Variants in RPS6KA5 observed in about 807,000 individuals in gnomAD.
The protein encoded by RPS6KA5 is ribosomal protein S6 kinase A5, also known as ribosomal protein S6 kinase alpha-5.
In RPS6KA5, 27 loss-of-function variants were observed where a neutral mutation model predicts 85.5. The ratio of observed to expected loss-of-function variants is 0.32; its 90% CI spans 0.23 to 0.44. The LOEUF is 0.44. Ranked by LOEUF, RPS6KA5 falls within the 20% of genes least tolerant of loss-of-function variation. RPS6KA5 has a pLI of 1.00. For synonymous variants in RPS6KA5, 334 were observed against 348.2 expected (o/e 0.96, Z 0.46); for missense variants, 811 against 980.9 (o/e 0.83, Z 2.31).
At position 91,041,005 on chromosome 14, in the gene RPS6KA5, A is replaced by G. The variant is rs77640915; in HGVS notation, c.103+19327T>C. 1.2e-4 allele frequency among the ~76,000 whole-genome samples: 18 copies of G among 152,364 alleles called. No homozygotes were observed. In the East Asian group the frequency reaches 3.5e-3, roughly 29 times the overall value. ...AACAGCTGGTATCAACTGCTCTTGCAAAAACTAGTGGAAGGAGGGATAATA... is the reference window on the plus strand; with the variant it reads ...AACAGCTGGTATCAACTGCTCTTGCGAAAACTAGTGGAAGGAGGGATAATA... On this transcript the variant is annotated intron_variant, in intron 1 of 16. Transcript: ENST00000614987.
rs1425806938 is a variant in RPS6KA5, at chr14:90,867,644, C to G, written c.*4430G>C. On this transcript the variant is annotated 3_prime_UTR_variant, in exon 17 of 17. Coordinates refer to ENST00000614987, the MANE Select transcript of RPS6KA5 (RefSeq NM_004755.4). The stretch of plus-strand genomic sequence containing the variant: ...CTACTAAGAATCTTGTCTTTTAATA[C>G]AAGTCTCCTTCTAGACACAAAATCC... 6.6e-6 allele frequency: 1 copy of G among 152,136 alleles called. No homozygotes were observed. Among genetic ancestry groups the G allele is most frequent in the Non-Finnish European group, 1.5e-5 (1 of 68,000 alleles). 9.4% of individuals were successfully genotyped at this position (152,136 alleles called of 1,614,324 possible). A position where few individuals can be genotyped will look rare whatever the true frequency, so the allele number is the denominator to read the frequency against.
rs565344552 is a variant in RPS6KA5 at position 90,860,889 on chromosome 14, AT to A, written c.*11184del. 17,319 of 127,534 alleles carry A rather than the reference AT, an allele frequency of 0.14. 1,005 individuals carry two copies. Among genetic ancestry groups the A allele is most frequent in the South Asian group, 0.25 (938 of 3,810 alleles). 7.9% of individuals were successfully genotyped at this position (127,534 alleles called of 1,614,324 possible). On this transcript the variant is annotated 3_prime_UTR_variant, in exon 17 of 17. Coordinates refer to ENST00000614987, the MANE Select transcript of RPS6KA5 (RefSeq NM_004755.4). ...TGAGCAAACAAACAATATAGAGTCT[AT>A]TTTTTTTTTTTTTTTTTTGAGATGG...
At chr14:91,044,098 G>C (rs58430341) in intron 1 of RPS6KA5, among the ~76,000 whole-genome samples, 20,116 of 151,812 alleles carry the variant, frequency 0.13, 1,557 homozygotes, top group East Asian at 0.31. Context: ...ATGGTGGTGG[G>C]CACTTGTAAT....
intron 11 of RPS6KA5, among the ~76,000 whole-genome samples, chr14:90,899,659 C>T (rs1011688661): frequency 2.6e-5 from 4 of 152,114 alleles, no homozygotes; most frequent in African/African-American, 4.8e-5. Flanking sequence ...GAAATGAATG[C>T]TCTACTTTCC....
intron 8 of RPS6KA5, among the ~76,000 whole-genome samples, 167 bp downstream of exon 8, chr14:90,905,982 A>G (rs2035477038): frequency 6.6e-6 from 1 of 152,216 alleles, no homozygotes; most frequent in African/African-American, 2.4e-5. Flanking sequence ...CCCTACTGAA[A>G]GGGTCCCTAT....
At chr14:90,989,312 T>A (rs1243520200) in intron 2 of RPS6KA5, among the ~76,000 whole-genome samples, 1 of 152,194 alleles carries the variant, frequency 6.6e-6, no homozygotes, top group Admixed American at 6.5e-5. Context: ...GATGCAAACT[T>A]GAGTCTTCTA....
chr14:90,875,504 G>A, intron 14 of RPS6KA5, 144 bp from the exon 15 acceptor site: 1 of 719,014 alleles, frequency 1.4e-6, no homozygotes, highest in East Asian at 2.8e-5. Context: ...TGATTCCTCA[G>A]GGATCTAGAA....
Position 90,894,479 on chromosome 14 carries a change from C to T in RPS6KA5, c.1578G>A (p.Arg526=). 1 of 1,614,152 alleles carries T rather than the reference C, an allele frequency of 6.2e-7. No individual in the cohort carries two copies. Among genetic ancestry groups the T allele is most frequent in the Non-Finnish European group, 8.5e-7 (1 of 1,180,014 alleles). The change falls in exon 13 of 17, where the codon AGG becomes AGA. Residue 526 remains arginine (R), a synonymous_variant. Coordinates refer to ENST00000614987, the MANE Select transcript of RPS6KA5 (RefSeq NM_004755.4). ...FSETEASYIM[R]KLVSAVSHMH... ...TGTGGCTTACAGCTGAAACAAGCTTCCTCATGATGTAGCTGGCTTCCGTCT... is the reference window on the plus strand; with the variant it reads ...TGTGGCTTACAGCTGAAACAAGCTTTCTCATGATGTAGCTGGCTTCCGTCT...
intron 3 of RPS6KA5, among the ~76,000 whole-genome samples, chr14:90,966,705 G>T (rs1045025548): frequency 6.6e-6 from 1 of 152,222 alleles, no homozygotes; most frequent in Non-Finnish European, 1.5e-5. Flanking sequence ...CAGGCACAGG[G>T]TCTAGCCCTA....
intron 2 of RPS6KA5, among the ~76,000 whole-genome samples, chr14:90,998,010 A>G (rs1252956035): frequency 6.9e-6 from 1 of 144,788 alleles, no homozygotes; most frequent in Non-Finnish European, 1.5e-5. Context: ...TCTGTCTGAA[A>G]AAAAAAAAAA....
chr14:91,052,335 G>A lies in RPS6KA5; in HGVS notation c.103+7997C>T, dbSNP rs1309217281. 1.8e-5 allele frequency: 7 copies of A among 395,734 alleles called. No individual in the cohort carries two copies. In the East Asian group the frequency reaches 4.8e-4, roughly 27 times the overall value. 24.5% of individuals were successfully genotyped at this position (395,734 alleles called of 1,614,324 possible). On this transcript the variant is annotated intron_variant, in intron 1 of 16. Coordinates refer to ENST00000614987, the MANE Select transcript of RPS6KA5 (RefSeq NM_004755.4). Reference sequence around the variant, plus strand: ...AAAAAAAAATTACCTGGGTATGGTAGTGGGTGCCTGTAATCCCAGCCACTT... The same window carrying A: ...AAAAAAAAATTACCTGGGTATGGTAATGGGTGCCTGTAATCCCAGCCACTT...
intron 1 of RPS6KA5, among the ~76,000 whole-genome samples, chr14:91,014,605 T>C (rs964734153): frequency 7.2e-5 from 11 of 152,096 alleles, no homozygotes; most frequent in Admixed American, 1.3e-4. Context: ...TTTGCAAGCA[T>C]ATTATTTACT....
intron 8 of RPS6KA5, 152 bp from the exon 9 acceptor site, chr14:90,903,121 C>T (rs912713781): frequency 1.4e-6 from 1 of 705,896 alleles, no homozygotes; most frequent in Admixed American, 3.0e-5. Flanking sequence ...CATATTTTCT[C>T]CAAACAAGAT....
At chr14:91,060,302 GC>G in intron 1 of RPS6KA5, 29 bp downstream of exon 1, 1 of 1,216,136 alleles carries the variant, frequency 8.2e-7, no homozygotes, top group Non-Finnish European at 1.0e-6. Flanking sequence ...CCCGCGCCGG[GC>G]CCGGCCGGCA....
At chr14:91,056,862 AT>A (rs1385559363) in intron 1 of RPS6KA5, among the ~76,000 whole-genome samples, 3 of 92,208 alleles carry the variant, frequency 3.3e-5, no homozygotes, top group Non-Finnish European at 6.3e-5. Context: ...TTAAGGCAGT[AT>A]TATCTTTTTT....
In RPS6KA5 at chr14:90,899,989, T is replaced by G. The variant is rs905953668; in HGVS notation, c.1379+119A>C. 5 of 816,890 alleles carry G rather than the reference T, an allele frequency of 6.1e-6. No homozygotes were observed. In the African/African-American group the frequency reaches 8.9e-5, roughly 15 times the overall value. The allele number at this position is 816,890 out of a possible 1,614,324, so 50.6% of individuals were successfully genotyped here. Reference sequence around the variant, plus strand: ...TGGACCAACTGATGAGCCAAGTGGTTAAACCTTTGGGTAAGAAAGTCTTAC... The same window carrying G: ...TGGACCAACTGATGAGCCAAGTGGTGAAACCTTTGGGTAAGAAAGTCTTAC... On this transcript the variant is annotated intron_variant, in intron 11 of 16. Coordinates refer to ENST00000614987, the MANE Select transcript of RPS6KA5 (RefSeq NM_004755.4).
At chr14:91,022,803 C>T (rs988206733) in intron 1 of RPS6KA5, among the ~76,000 whole-genome samples, 4 of 152,076 alleles carry the variant, frequency 2.6e-5, no homozygotes, top group African/African-American at 9.7e-5. Context: ...TTGTGTACTA[C>T]TGTCCGGGCG....
At chr14:91,014,426 C>T (rs1459498210) in intron 1 of RPS6KA5, among the ~76,000 whole-genome samples, 2 of 148,466 alleles carry the variant, frequency 1.3e-5, no homozygotes, top group Admixed American at 6.8e-5. Context: ...CGCTTGAACC[C>T]GGGAGGCAGA....
At chr14:90,987,708 C>G (rs2040117303) in intron 2 of RPS6KA5, among the ~76,000 whole-genome samples, 1 of 152,070 alleles carries the variant, frequency 6.6e-6, no homozygotes, top group East Asian at 1.9e-4. Context: ...GCCACAACAA[C>G]AACAACAACA....
Sources: allele counts gnomAD v4.1 joint callset (sites outside exome capture counted in the v4.1 genomes callset), GRCh38; gene constraint gnomAD v4.1.1; transcripts MANE v1.5; gene names NCBI Gene and HGNC (gene_info 2026-07-23, HGNC 2026-07-21).